Variants in SEMA6C observed in about 807,000 individuals in gnomAD.
SEMA6C encodes the protein semaphorin-6C.
A neutral mutation model predicts 72.9 loss-of-function variants in SEMA6C; 37 were observed. The ratio of observed to expected loss-of-function variants is 0.51; its 90% CI spans 0.39 to 0.67. SEMA6C has a LOEUF of 0.67. SEMA6C is among the 30% of genes least tolerant of loss of function. SEMA6C has a pLI of 0.00. For synonymous variants in SEMA6C, 578 were observed against 554.1 expected, an observed-to-expected ratio of 1.04 and a Z score of -0.61; for missense variants, 1,189 against 1,263.6, an observed-to-expected ratio of 0.94 and a Z score of 0.89.
chr1:151,139,758 C>G (rs908390359), intron 4 of SEMA6C, 57 bp from the exon 5 acceptor site: 1 of 1,502,630 alleles, frequency 6.7e-7, no homozygotes, highest in African/African-American at 1.4e-5. Flanking sequence ...ACTTTACCCA[C>G]AGTCAGCTGT....
intron 18 of SEMA6C, chr1:151,134,172 T>A (rs1260613224): frequency 2.5e-6 from 2 of 815,390 alleles, no homozygotes; most frequent in Non-Finnish European, 3.9e-6. Context: ...CAGCCTCTAG[T>A]TTCTTCTGGG....
Position 151,135,632 on chromosome 1 carries a change from C to A in SEMA6C, c.1392G>T (p.Glu464Asp). 1 of 1,614,190 alleles carries A rather than the reference C, an allele frequency of 6.2e-7. No individual in the cohort carries two copies. Among genetic ancestry groups the A allele is most frequent in the Non-Finnish European group, 8.5e-7 (1 of 1,180,012 alleles). The change falls in exon 14 of 19, where the codon GAG (glutamate) becomes GAT (aspartate). Residue 464 changes from glutamate (E) to aspartate (D), a missense_variant. Around this residue, in one of 2 missense-constraint regions of SEMA6C, gnomAD observed 721 missense variants for 686.2 expected, o/e 1.05. Transcript: ENST00000368914. ...LTPGGRSGGP[E>D]PILLEEIDAY... ...CATCAATCTCTTCCAGGAGGATGGG[C>A]TCAGGTCCCCCGGATCGCCCACCTG...
At chr1:151,134,507 G>T (rs1681848892) in intron 17 of SEMA6C, 62 bp from the exon 18 acceptor site, 2 of 1,604,344 alleles carry the variant, frequency 1.2e-6, no homozygotes, top group Admixed American at 3.3e-5. Context: ...AACTGATGGG[G>T]TGACTGTGCC....
chr1:151,138,099 C>T lies in SEMA6C; in HGVS notation c.554G>A (p.Ser185Asn), dbSNP rs1296447606. 6.2e-7 allele frequency: 1 copy of T among 1,613,914 alleles called. No individual in the cohort carries two copies. Among genetic ancestry groups the T allele is most frequent in the Admixed American group, 1.7e-5 (1 of 60,024 alleles). ...ATCCGCAGCTGTGGCTGAGTACAGGCTGCCCTCTGGAGGGATGGGTGGAGT... is the reference window on the plus strand; with the variant it reads ...ATCCGCAGCTGTGGCTGAGTACAGGTTGCCCTCTGGAGGGATGGGTGGAGT... ...QSNVAIFAEG[S>N]LYSATAADFQ... The change falls in exon 9 of 19, where the codon AGC becomes AAC. Residue 185 changes from serine (S) to asparagine (N), a missense_variant. This residue lies in a region of SEMA6C where 468 missense variants were observed against 577.4 expected (regional missense o/e 0.81). Coordinates refer to ENST00000368914, the MANE Select transcript of SEMA6C (RefSeq NM_030913.6).
chr1:151,136,458 G>C lies in SEMA6C; in HGVS notation c.1096C>G (p.Pro366Ala), dbSNP rs781554624. The C allele has an allele frequency of 1.2e-6, 2 of 1,613,414 alleles. No homozygotes were observed. The highest frequency in any genetic ancestry group is 2.7e-5 in the African/African-American group (2 of 74,842). The change falls in exon 12 of 19, where the codon CCC becomes GCC. Residue 366 changes from proline (P) to alanine (A), a missense_variant. Physicochemically the swap from Pro to Ala is conservative, Grantham distance 27. This residue lies in a region of SEMA6C where 468 missense variants were observed against 577.4 expected (regional missense o/e 0.81). Transcript: ENST00000368914. ...AWTPVSEDRVPSPRPGSCAGV... is the reference protein window; with the variant it reads ...AWTPVSEDRVASPRPGSCAGV... Reference sequence around the variant, plus strand: ...CTCCATCCTGGGTACCTGGGTGAGGGAACTCTGTCCTCAGACACAGGAGTC... The same window carrying C: ...CTCCATCCTGGGTACCTGGGTGAGGCAACTCTGTCCTCAGACACAGGAGTC...
Position 151,143,701 on chromosome 1 carries a change from C to G in SEMA6C, c.-55+684G>C, listed in dbSNP as rs192380013. 3.4e-3 allele frequency among the ~76,000 whole-genome samples: 517 copies of G among 152,314 alleles called. 2 individuals carry two copies. The highest frequency in any genetic ancestry group is 8.3e-3 in the South Asian group (40 of 4,828). On this transcript the variant is annotated intron_variant, in intron 2 of 18. Coordinates refer to ENST00000368914, the MANE Select transcript of SEMA6C (RefSeq NM_030913.6). Reference sequence around the variant, plus strand: ...GTCTCCTTCCACCATCAGCCTCCCTCAGCCAAATGACCCTGGCTGGGGCCC... The same window carrying G: ...GTCTCCTTCCACCATCAGCCTCCCTGAGCCAAATGACCCTGGCTGGGGCCC...
At chr1:151,139,518 A>G (rs1427862226) in intron 5 of SEMA6C, 37 bp from the exon 6 acceptor site, 1 of 1,608,090 alleles carries the variant, frequency 6.2e-7, no homozygotes, top group Non-Finnish European at 8.5e-7. Context: ...ATCATGGGCA[A>G]CTGGGTTCCC....
In SEMA6C at chr1:151,140,801, T is replaced by C. The variant is rs1032618773; in HGVS notation, c.119-711A>G. ...CAAGGTCAGGAGATCGAGACCATCCTGGCTAACATGGTGAAACCCCATCTC... is the reference window on the plus strand; with the variant it reads ...CAAGGTCAGGAGATCGAGACCATCCCGGCTAACATGGTGAAACCCCATCTC... On this transcript the variant is annotated intron_variant, in intron 3 of 18. Transcript: ENST00000368914. 3.9e-5 allele frequency among the ~76,000 whole-genome samples: 6 copies of C among 152,200 alleles called. No individual in the cohort carries two copies. The South Asian group carries it at 1.0e-3, about 26-fold the overall frequency.
intron 14 of SEMA6C, 31 bp from the exon 15 acceptor site, chr1:151,135,340 G>A (rs1429939844): frequency 6.3e-7 from 1 of 1,598,120 alleles, no homozygotes; most frequent in South Asian, 1.1e-5. Flanking sequence ...ACCAGAGATG[G>A]ACAGATGAGG....
intron 12 of SEMA6C, 106 bp downstream of exon 12, chr1:151,136,342 C>T: frequency 6.6e-7 from 1 of 1,519,492 alleles, no homozygotes; most frequent in Non-Finnish European, 8.9e-7. Context: ...CCCACTATAG[C>T]TCCCCACCCT....
rs141935930 is a variant in SEMA6C, at chr1:151,138,024, G to C, written c.629C>G (p.Pro210Arg). ...GGAGTCATACTTGGCGGAGCGGAGT[G>C]GGGGCTGGGGCCCAAGGCTTCTGTA... Reference protein sequence around the residue: ...VVYRSLGPQPPLRSAKYDSKW... With the variant: ...VVYRSLGPQPRLRSAKYDSKW... Residue 210 changes from proline (P) to arginine (R), a missense_variant, in exon 9 of 19, where the codon CCA becomes CGA. This residue lies in a region of SEMA6C where 468 missense variants were observed against 577.4 expected (regional missense o/e 0.81). Coordinates refer to ENST00000368914, the MANE Select transcript of SEMA6C (RefSeq NM_030913.6). 5.3e-5 allele frequency: 85 copies of C among 1,614,164 alleles called. No individual in the cohort carries two copies. The highest frequency in any genetic ancestry group is 5.0e-4 in the Admixed American group (30 of 60,024).
chr1:151,139,742 C>G (rs1440349792), intron 4 of SEMA6C, 41 bp from the exon 5 acceptor site: 1 of 1,542,250 alleles, frequency 6.5e-7, no homozygotes, highest in African/African-American at 1.4e-5. Flanking sequence ...CTAGTCAAGG[C>G]ACCCCACTTT....
intron 11 of SEMA6C, 126 bp from the exon 12 acceptor site, chr1:151,136,705 G>A: frequency 7.2e-7 from 1 of 1,388,544 alleles, no homozygotes; most frequent in Non-Finnish European, 1.0e-6. Flanking sequence ...GGCAGCCACT[G>A]GGTGCCACAC....
intron 15 of SEMA6C, 22 bp downstream of exon 15, chr1:151,135,141 C>T: frequency 6.2e-7 from 1 of 1,611,276 alleles, no homozygotes; most frequent in Non-Finnish European, 8.5e-7. Context: ...CCACACAGGG[C>T]CTGGCCTCAG....
chr1:151,141,918 C>T (rs1682586194), intron 3 of SEMA6C, among the ~76,000 whole-genome samples: 1 of 151,980 alleles, frequency 6.6e-6, no homozygotes, highest in African/African-American at 2.4e-5. Flanking sequence ...CTATTATATT[C>T]ATTTTACAGC....
Position 151,136,148 on chromosome 1 carries a change from T to C in SEMA6C, c.1122A>G (p.Ala374=). The C allele has an allele frequency of 6.2e-7, 1 of 1,613,832 alleles. No individual in the cohort carries two copies. ...RVPSPRPGSC[A]GVGGAALFSS... ...AGAACAAGGCAGCTCCCCCTACTCC[T>C]GCACAGGATCCTGGCCTGGTGGGTG... The change falls in exon 13 of 19, where the codon GCA becomes GCG. Residue 374 remains alanine (A), a synonymous_variant. Transcript: ENST00000368914.
Position 151,140,097 on chromosome 1 carries a change from G to A in SEMA6C, c.119-7C>T, listed in dbSNP as rs1398114811. 1 of 1,609,518 alleles carries A rather than the reference G, an allele frequency of 6.2e-7. No homozygotes were observed. Among genetic ancestry groups the A allele is most frequent in the Non-Finnish European group, 8.5e-7 (1 of 1,176,774 alleles). On this transcript the variant is annotated splice_region_variant and splice_polypyrimidine_tract_variant and intron_variant, in intron 3 of 18. Coordinates refer to ENST00000368914, the MANE Select transcript of SEMA6C (RefSeq NM_030913.6). ...CAGGATAATGGGGAAGTACCTTGAG[G>A]ACACAGAGAGATAGGATTCTGAGGA... is the stretch of plus-strand genomic sequence containing the variant.
rs1682152763 is a variant in SEMA6C at position 151,137,593 on chromosome 1, G to A, written c.756+118C>T. 3.7e-6 allele frequency: 3 copies of A among 817,804 alleles called. No individual in the cohort carries two copies. The Admixed American group carries it at 6.8e-5, about 19-fold the overall frequency. The allele number at this position is 817,804 out of a possible 1,614,324, so 50.7% of individuals were successfully genotyped here. Reference sequence around the variant, plus strand: ...TTGGGGCTATTCCAAGTTGAGGGGTGAGAGTCCAGGGGATTGCTTTGTGGA... The same window carrying A: ...TTGGGGCTATTCCAAGTTGAGGGGTAAGAGTCCAGGGGATTGCTTTGTGGA... On this transcript the variant is annotated intron_variant, in intron 10 of 18. Coordinates refer to ENST00000368914, the MANE Select transcript of SEMA6C (RefSeq NM_030913.6).
Position 151,138,641 on chromosome 1 carries a change from G to A in SEMA6C, c.445C>T (p.Arg149Cys), listed in dbSNP as rs145677368. 21 of 1,613,712 alleles carry A rather than the reference G, an allele frequency of 1.3e-5. No homozygotes were observed. The highest frequency in any genetic ancestry group is 1.7e-5 in the Admixed American group (1 of 59,998). ...CGTNSFSPVCRSYGITSLQQE... is the reference protein window; with the variant it reads ...CGTNSFSPVCCSYGITSLQQE... ...CCTCTCTTTTGTACCCCATAGCTGC[G>A]GCACACAGGGCTGAATGAGTTCGTT... is the stretch of plus-strand genomic sequence containing the variant. Residue 149 changes from arginine to cysteine, a missense_variant, in exon 7 of 19, where the codon CGC becomes TGC. Physicochemically the swap from Arg to Cys is radical, Grantham distance 180. Coordinates refer to ENST00000368914, the MANE Select transcript of SEMA6C (RefSeq NM_030913.6).
Sources: allele counts gnomAD v4.1 joint callset (sites outside exome capture counted in the v4.1 genomes callset), GRCh38; gene constraint gnomAD v4.1.1; regional missense constraint gnomAD v4.1.1; transcripts MANE v1.5; gene names NCBI Gene and HGNC (gene_info 2026-07-23, HGNC 2026-07-21).